Variants in PLCG2 observed in about 807,000 individuals in gnomAD.
PLCG2 encodes phospholipase C gamma 2.
Under a neutral mutation model 175.6 loss-of-function variants are expected in PLCG2, and 69 were observed. The observed-to-expected ratio is 0.39, with a 90% CI of 0.32 to 0.48. PLCG2 has a LOEUF of 0.48. PLCG2 is among the 20% of genes least tolerant of loss of function. PLCG2 has a pLI of 0.91. For missense variants in PLCG2, 1,798 were observed against 1,650.9 expected (o/e 1.09, Z -1.54); for synonymous variants, 827 against 624.0 (o/e 1.33, Z -4.85).
chr16:81,928,726 C>G, intron 24 of PLCG2, 102 bp downstream of exon 24: 2 of 771,130 alleles, frequency 2.6e-6, no homozygotes, highest in Admixed American at 3.8e-5. Flanking sequence ...AGGGTCCTGT[C>G]TTGAATGCCA....
intron 2 of PLCG2, among the ~76,000 whole-genome samples, chr16:81,800,033 CAA>C (rs1567470432): frequency 2.0e-5 from 3 of 152,160 alleles, no homozygotes. Flanking sequence ...TGGCCATGGA[CAA>C]GTTACTTAAC....
intron 30 of PLCG2, among the ~76,000 whole-genome samples, chr16:81,945,062 A>G (rs990337651): frequency 6.6e-6 from 1 of 152,232 alleles, no homozygotes; most frequent in African/African-American, 2.4e-5. Flanking sequence ...AAATGACAAT[A>G]CACCTTAGGG....
chr16:81,889,779 C>T (rs570113183), intron 10 of PLCG2, among the ~76,000 whole-genome samples: 5 of 152,140 alleles, frequency 3.3e-5, no homozygotes, highest in South Asian at 2.1e-4. Context: ...CTCAGCCTCC[C>T]GAGTAGCTGG....
At chr16:81,779,475 C>G (rs1232703900) in intron 1 of PLCG2, 51 bp downstream of exon 1, 1 of 151,604 alleles carries the variant, frequency 6.6e-6, no homozygotes, top group Non-Finnish European at 1.5e-5. Context: ...GGGACCTGCG[C>G]CCCGCGGGGA....
At chr16:81,875,095 C>T (rs1597367357) in intron 7 of PLCG2, among the ~76,000 whole-genome samples, 2 of 151,720 alleles carry the variant, frequency 1.3e-5, no homozygotes, top group East Asian at 3.9e-4. Context: ...TTCTGAGTAG[C>T]TGGGATTACA....
At chr16:81,771,581 A>G (rs1910282273) in intron 2 of PLCG2, among the ~76,000 whole-genome samples, 1 of 152,126 alleles carries the variant, frequency 6.6e-6, no homozygotes, top group Admixed American at 6.6e-5. Flanking sequence ...ATTCTGTGAT[A>G]GTAAATGCCT....
intron 14 of PLCG2, 54 bp downstream of exon 14, chr16:81,900,834 C>T: frequency 8.5e-6 from 13 of 1,525,388 alleles, no homozygotes; most frequent in Non-Finnish European, 1.2e-5. Context: ...TGGCTCGGTT[C>T]CCCGGCTCTG....
chr16:81,837,793 C>G (rs913849969), intron 2 of PLCG2, among the ~76,000 whole-genome samples: 2 of 149,120 alleles, frequency 1.3e-5, no homozygotes, highest in African/African-American at 2.5e-5. Flanking sequence ...ACAGAGAGAT[C>G]TCATGTGAAC....
At chr16:81,847,605 T>C (rs1597352365) in intron 2 of PLCG2, among the ~76,000 whole-genome samples, 1 of 152,220 alleles carries the variant, frequency 6.6e-6, no homozygotes, top group East Asian at 1.9e-4. Context: ...ACCAAATATA[T>C]GCAGTCAGTC....
chr16:81,795,038 C>A (rs74029214), intron 2 of PLCG2, among the ~76,000 whole-genome samples: 3,066 of 152,262 alleles, frequency 0.02, 38 homozygotes, highest in African/African-American at 0.046. Context: ...TTAGAATGTT[C>A]TTAGAATTTG....
chr16:81,904,937 G>C (rs1909302781), intron 14 of PLCG2, among the ~76,000 whole-genome samples: 1 of 152,172 alleles, frequency 6.6e-6, no homozygotes, highest in East Asian at 1.9e-4. Context: ...GCCCAGGCTG[G>C]AGTGCAGTGG....
chr16:81,933,879 G>C (rs551048207), intron 25 of PLCG2, among the ~76,000 whole-genome samples: 53 of 152,224 alleles, frequency 3.5e-4, no homozygotes, highest in Non-Finnish European at 7.3e-4. Flanking sequence ...TTTGATGGTG[G>C]GTCTTCTGAA....
chr16:81,935,686 C>A (rs754443908), intron 26 of PLCG2: 30 of 985,222 alleles, frequency 3.0e-5, no homozygotes, highest in Admixed American at 6.2e-5. Context: ...AAGATGAGGC[C>A]TGTCCCCTTC....
At chr16:81,830,635 A>C (rs921231080) in intron 2 of PLCG2, among the ~76,000 whole-genome samples, 4 of 146,426 alleles carry the variant, frequency 2.7e-5, no homozygotes, top group African/African-American at 5.3e-5. Flanking sequence ...ACAACAACAA[A>C]AAAATGTGTG....
chr16:81,906,541 A>G (rs1410956927), intron 15 of PLCG2, among the ~76,000 whole-genome samples: 3 of 152,188 alleles, frequency 2.0e-5, no homozygotes, highest in Non-Finnish European at 4.4e-5. Context: ...CTTGTGCCTC[A>G]TCTTCCCAAG....
chr16:81,924,302 C>G (rs1157718139), intron 22 of PLCG2, among the ~76,000 whole-genome samples: 1 of 152,254 alleles, frequency 6.6e-6, no homozygotes, highest in Admixed American at 6.5e-5. Context: ...ACCTCATAGA[C>G]TGGCATTTCT....
intron 1 of PLCG2, among the ~76,000 whole-genome samples, chr16:81,743,519 G>T (rs1356106894): frequency 6.6e-6 from 1 of 152,190 alleles, no homozygotes; most frequent in Non-Finnish European, 1.5e-5. Context: ...GGAGCCAGAG[G>T]CCACAGTGGC....
At chr16:81,761,245 G>C (rs1910035332) in intron 2 of PLCG2, among the ~76,000 whole-genome samples, 1 of 152,050 alleles carries the variant, frequency 6.6e-6, no homozygotes, top group Admixed American at 6.6e-5. Flanking sequence ...CATACTTGTA[G>C]TCCTAGCTAC....
At chr16:81,858,594 G>A (rs1906806189) in intron 4 of PLCG2, among the ~76,000 whole-genome samples, 1 of 152,140 alleles carries the variant, frequency 6.6e-6, no homozygotes, top group Non-Finnish European at 1.5e-5. Flanking sequence ...TGGTGCATTG[G>A]ACTCGAGATA....
Sources: gnomAD v4.1 joint callset for allele counts (sites outside exome capture counted in the v4.1 genomes callset) on GRCh38, gnomAD v4.1.1 for gene constraint, MANE v1.5 for transcripts, NCBI Gene and HGNC (gene_info 2026-07-23, HGNC 2026-07-21) for gene names.